The following PSIP1 variants were observed in gnomAD, a reference collection of about 807,000 sequenced individuals.
PSIP1 encodes the protein PC4 and SFRS1-interacting protein.
In PSIP1, 19 loss-of-function variants were observed where a neutral mutation model predicts 74.7. That is an observed-to-expected ratio of 0.25 (90% CI 0.18 to 0.37). PSIP1 has a LOEUF of 0.37. Among genes scored for constraint, PSIP1 ranks in the 10% least tolerant of loss-of-function variants. The pLI is 1.00. For missense variants in PSIP1, 601 were observed against 614.3 expected (o/e 0.98, Z 0.23); for synonymous variants, 222 against 195.3 (o/e 1.14, Z -1.14).
At chr9:15,499,558 A>G (rs1426977835) in intron 3 of PSIP1, among the ~76,000 whole-genome samples, 1 of 152,212 alleles carries the variant, frequency 6.6e-6, no homozygotes, top group Non-Finnish European at 1.5e-5. Flanking sequence ...TTCAGTTGTT[A>G]CACAACTAGA....
At chr9:15,469,241 G>A in intron 12 of PSIP1, 25 bp downstream of exon 12, 2 of 1,427,282 alleles carry the variant, frequency 1.4e-6, no homozygotes, top group Non-Finnish European at 1.9e-6. Flanking sequence ...CAGTACTGAA[G>A]TATTAAATGA....
intron 6 of PSIP1, 102 bp from the exon 7 acceptor site, chr9:15,479,789 G>T: frequency 1.3e-6 from 1 of 788,262 alleles, no homozygotes. Flanking sequence ...TTGAGTTCAA[G>T]TATAGATATA....
rs376037817 is a variant in PSIP1, at chr9:15,473,070, T to C, written c.859-320A>G. On this transcript the variant is annotated intron_variant, in intron 9 of 15. Transcript: ENST00000380733. Reference sequence around the variant, plus strand: ...CAAGCACACTACATGACCTATCCAATTTAAAATGTTTGGTTTCTAAAAGAT... The same window carrying C: ...CAAGCACACTACATGACCTATCCAACTTAAAATGTTTGGTTTCTAAAAGAT... Among the ~76,000 whole-genome samples the C allele has an allele frequency of 3.3e-5, 5 of 152,306 alleles. No homozygotes were observed. In the East Asian group the frequency reaches 7.7e-4, roughly 23 times the overall value.
At chr9:15,508,867 C>A (rs2037720590) in intron 2 of PSIP1, among the ~76,000 whole-genome samples, 1 of 152,004 alleles carries the variant, frequency 6.6e-6, no homozygotes, top group South Asian at 2.1e-4. Context: ...AAGATTATCA[C>A]GAAAGGAATA....
At chr9:15,469,221 G>A (rs2035743499) in intron 12 of PSIP1, 45 bp downstream of exon 12, 1 of 1,347,308 alleles carries the variant, frequency 7.4e-7, no homozygotes, top group Non-Finnish European at 1.0e-6. Context: ...AAAAGATGAA[G>A]CTATAAATGC....
At chr9:15,470,401 T>A (rs1287834758) in intron 10 of PSIP1, among the ~76,000 whole-genome samples, 2 of 152,136 alleles carry the variant, frequency 1.3e-5, no homozygotes, top group African/African-American at 4.8e-5. Flanking sequence ...TGAAGTTAGC[T>A]TTAAAGTTAA....
In PSIP1 at chr9:15,490,490, C is replaced by A. The variant is rs138876556; in HGVS notation, c.150-366G>T. ...TTGAGGTCAGGAGTTTGAGACCAGC[C>A]TGGCCAACATGGTGAAACCCCATCT... On this transcript the variant is annotated intron_variant, in intron 3 of 15. Coordinates refer to ENST00000380733, the MANE Select transcript of PSIP1 (RefSeq NM_033222.5). Among the ~76,000 whole-genome samples the A allele has an allele frequency of 2.9e-3, 436 of 152,072 alleles. 5 individuals carry two copies. Among genetic ancestry groups the A allele is most frequent in the East Asian group, 0.013 (68 of 5,160 alleles).
rs145405553 is a variant in PSIP1 at position 15,490,316 on chromosome 9, A to T, written c.150-192T>A. Reference sequence around the variant, plus strand: ...CAGTAACAAGCTACTATTTAAATCCATAATCCTATTAAGTAAAACCACAGA... The same window carrying T: ...CAGTAACAAGCTACTATTTAAATCCTTAATCCTATTAAGTAAAACCACAGA... On this transcript the variant is annotated intron_variant, in intron 3 of 15. Transcript: ENST00000380733. 2.6e-5 allele frequency among the ~76,000 whole-genome samples: 4 copies of T among 152,346 alleles called. No homozygotes were observed. In the East Asian group the frequency reaches 7.7e-4, roughly 29 times the overall value.
At chr9:15,469,382 C>A in intron 11 of PSIP1, 46 bp from the exon 12 acceptor site, 1 of 1,270,750 alleles carries the variant, frequency 7.9e-7, no homozygotes, top group South Asian at 1.4e-5. Context: ...TTTTCCAAAA[C>A]CAGTATTTCT....
rs558740176 is a variant in PSIP1, at chr9:15,465,099, G to C, written c.*421C>G. 2 of 230,262 alleles carry C rather than the reference G, an allele frequency of 8.7e-6. No individual in the cohort carries two copies. The highest frequency in any genetic ancestry group is 1.3e-4 in the East Asian group (2 of 15,652). The allele number at this position is 230,262 out of a possible 1,614,324, so 14.3% of individuals were successfully genotyped here. A position where few individuals can be genotyped will look rare whatever the true frequency, so the allele number is the denominator to read the frequency against. On this transcript the variant is annotated 3_prime_UTR_variant, in exon 16 of 16. Coordinates refer to ENST00000380733, the MANE Select transcript of PSIP1 (RefSeq NM_033222.5). The stretch of plus-strand genomic sequence containing the variant: ...AACTTCTACAAAACCCACAAACAGT[G>C]AAAAGACAGTCTGGTAAATCCAAGG...
chr9:15,495,218 C>A (rs1161276424), intron 3 of PSIP1, among the ~76,000 whole-genome samples: 2 of 151,858 alleles, frequency 1.3e-5, no homozygotes, highest in Non-Finnish European at 2.9e-5. Context: ...TTTAAAACCT[C>A]AAATATTTAT....
chr9:15,483,595 A>G, intron 6 of PSIP1, among the ~76,000 whole-genome samples: 1 of 152,198 alleles, frequency 6.6e-6, no homozygotes, highest in Non-Finnish European at 1.5e-5. Context: ...AGTTCAATGG[A>G]AACAAAGACC....
chr9:15,478,211 TTCTC>T (rs1411978777), intron 8 of PSIP1, among the ~76,000 whole-genome samples: 1 of 151,920 alleles, frequency 6.6e-6, no homozygotes, highest in Non-Finnish European at 1.5e-5. Context: ...CTTGCCCAAT[TTCTC>T]TATTATATAT....
chr9:15,497,262 T>C (rs12001969), intron 3 of PSIP1, among the ~76,000 whole-genome samples: 2,012 of 151,260 alleles, frequency 0.013, 38 homozygotes, highest in African/African-American at 0.047. Flanking sequence ...CATGGATGAA[T>C]CTTGAAAAAC....
At position 15,498,910 on chromosome 9, in the gene PSIP1, C is replaced by T. The variant is rs544860534; in HGVS notation, c.149+7651G>A. 8.8e-4 allele frequency among the ~76,000 whole-genome samples: 134 copies of T among 151,994 alleles called. 1 individual carries two copies. The highest frequency in any genetic ancestry group is 3.1e-3 in the Admixed American group (48 of 15,286). On this transcript the variant is annotated intron_variant, in intron 3 of 15. Transcript: ENST00000380733. The stretch of plus-strand genomic sequence containing the variant: ...TGCACAGACAAGTTTGAAAAAAACA[C>T]GTCAAAATATTACCAGGTTTAGGGG...
chr9:15,503,841 G>A (rs923958079), intron 3 of PSIP1, among the ~76,000 whole-genome samples: 5 of 152,064 alleles, frequency 3.3e-5, no homozygotes, highest in Non-Finnish European at 7.4e-5. Flanking sequence ...CTGCCTCCTG[G>A]GTTCAAGCAA....
chr9:15,494,267 A>C (rs1444163364), intron 3 of PSIP1, among the ~76,000 whole-genome samples: 1 of 152,208 alleles, frequency 6.6e-6, no homozygotes, highest in Non-Finnish European at 1.5e-5. Context: ...AAAAGACTTA[A>C]GAGTTCTATT....
At chr9:15,466,917 G>A (rs1292260912) in intron 14 of PSIP1, 58 bp from the exon 15 acceptor site, 1 of 1,298,758 alleles carries the variant, frequency 7.7e-7, no homozygotes, top group Non-Finnish European at 1.1e-6. Flanking sequence ...ATAATTGAAG[G>A]TGTCCACTAA....
At chr9:15,479,113 A>G (rs2036227031) in intron 7 of PSIP1, among the ~76,000 whole-genome samples, 1 of 152,112 alleles carries the variant, frequency 6.6e-6, no homozygotes, top group African/African-American at 2.4e-5. Flanking sequence ...TTTTACGAAG[A>G]TTTTTCCAAA....
Sources: gnomAD v4.1 joint callset for allele counts (sites outside exome capture counted in the v4.1 genomes callset) on GRCh38, gnomAD v4.1.1 for gene constraint, MANE v1.5 for transcripts, NCBI Gene and HGNC (gene_info 2026-07-23, HGNC 2026-07-21) for gene names.